SQOR: variants seen among roughly 807,000 people sequenced by gnomAD.
The protein encoded by SQOR is sulfide quinone oxidoreductase, also known as sulfide:quinone oxidoreductase, mitochondrial.
In SQOR, 39 loss-of-function variants were observed where a neutral mutation model predicts 48.6. That is an observed-to-expected ratio of 0.80 (90% CI 0.62 to 1.05). SQOR has a LOEUF of 1.05. Among genes scored for constraint, SQOR ranks in the 50% least tolerant of loss-of-function variants. SQOR has a pLI of 0.00. For synonymous variants in SQOR, 220 were observed against 206.2 expected, an observed-to-expected ratio of 1.07 and a Z score of -0.57; for missense variants, 561 against 559.9, an observed-to-expected ratio of 1.00 and a Z score of -0.02.
chr15:45,673,269 G>T (rs1889974867), intron 4 of SQOR, among the ~76,000 whole-genome samples: 1 of 152,208 alleles, frequency 6.6e-6, no homozygotes, highest in Non-Finnish European at 1.5e-5. Flanking sequence ...CCTGCCAGTT[G>T]TTCTTTCCAG....
chr15:45,661,834 T>C, intron 2 of SQOR, 121 bp from the exon 3 acceptor site: 1 of 1,056,912 alleles, frequency 9.5e-7, no homozygotes, highest in Non-Finnish European at 1.3e-6. Context: ...TGGAGACTTT[T>C]CCATACGATG....
intron 1 of SQOR, among the ~76,000 whole-genome samples, chr15:45,641,276 AG>A (rs1174774464): frequency 6.6e-6 from 1 of 152,232 alleles, no homozygotes; most frequent in African/African-American, 2.4e-5. Flanking sequence ...GAAATTTCTC[AG>A]GAGCAAAGGG....
intron 9 of SQOR, 98 bp downstream of exon 9, chr15:45,689,315 C>A: frequency 8.2e-7 from 1 of 1,219,742 alleles, no homozygotes; most frequent in Non-Finnish European, 1.2e-6. Flanking sequence ...TAGCAGTGAC[C>A]AAGTGTTCTG....
At chr15:45,669,848 A>C (rs1379888154) in intron 3 of SQOR, 80 bp from the exon 4 acceptor site, 18 of 1,219,102 alleles carry the variant, frequency 1.5e-5, no homozygotes, top group Non-Finnish European at 2.1e-5. Flanking sequence ...ACCACATGGA[A>C]CCACATCTGG....
rs1006198671 is a variant in SQOR at position 45,655,986 on chromosome 15, A to AT, written c.-17-2908dup. Reference sequence around the variant, plus strand: ...AGGCGTGAGCCACCGTGCCTGGCCTATTTTTTTTTTTTTCCCCGTTTAACA... The same window carrying AT: ...AGGCGTGAGCCACCGTGCCTGGCCTATTTTTTTTTTTTTTCCCCGTTTAACA... On this transcript the variant is annotated intron_variant, in intron 1 of 9. Coordinates refer to ENST00000260324, the MANE Select transcript of SQOR (RefSeq NM_021199.4). Among the ~76,000 whole-genome samples the AT allele has an allele frequency of 8.4e-3, 1,166 of 138,540 alleles. 21 individuals are homozygous for AT. The highest frequency in any genetic ancestry group is 0.018 in the African/African-American group (687 of 37,874). 90.9% of individuals were successfully genotyped at this position (138,540 alleles called of 152,430 possible). A position where few individuals can be genotyped will look rare whatever the true frequency, so the allele number is the denominator to read the frequency against.
intron 1 of SQOR, among the ~76,000 whole-genome samples, chr15:45,643,809 C>CT (rs967180581): frequency 6.6e-6 from 1 of 151,908 alleles, no homozygotes; most frequent in Non-Finnish European, 1.5e-5. Context: ...TGATGCCCTC[C>CT]TTTATCAAGG....
At chr15:45,669,761 G>A (rs1276564677) in intron 3 of SQOR, among the ~76,000 whole-genome samples, 167 bp from the exon 4 acceptor site, 1 of 152,166 alleles carries the variant, frequency 6.6e-6, no homozygotes, top group Non-Finnish European at 1.5e-5. Flanking sequence ...GGGAACCTGG[G>A]CAGGACTCCC....
rs549486431 is a variant in SQOR, at chr15:45,649,749, C to G, written c.-17-9158C>G. On this transcript the variant is annotated intron_variant, in intron 1 of 9. Coordinates refer to ENST00000260324, the MANE Select transcript of SQOR (RefSeq NM_021199.4). Reference sequence around the variant, plus strand: ...CTACCTGACTTGGCCTACCAAAGTGCTGGAATTACAGGCGTGAGCCACTGT... The same window carrying G: ...CTACCTGACTTGGCCTACCAAAGTGGTGGAATTACAGGCGTGAGCCACTGT... 5.3e-5 allele frequency among the ~76,000 whole-genome samples: 8 copies of G among 152,256 alleles called. No individual in the cohort carries two copies. In the East Asian group the frequency reaches 1.5e-3, roughly 29 times the overall value.
intron 7 of SQOR, among the ~76,000 whole-genome samples, chr15:45,685,088 G>A (rs915164184): frequency 1.3e-5 from 2 of 152,118 alleles, no homozygotes; most frequent in Non-Finnish European, 2.9e-5. Context: ...AAAAGTAATT[G>A]CGGTTTTTGC....
intron 3 of SQOR, among the ~76,000 whole-genome samples, chr15:45,662,463 T>C (rs1488585363): frequency 1.3e-5 from 2 of 152,202 alleles, no homozygotes; most frequent in African/African-American, 2.4e-5. Flanking sequence ...CCTTCCTCCT[T>C]CTCTTTTTCT....
intron 1 of SQOR, among the ~76,000 whole-genome samples, chr15:45,636,466 C>G (rs1234248587): frequency 6.7e-6 from 1 of 149,010 alleles, no homozygotes; most frequent in African/African-American, 2.5e-5. Flanking sequence ...TGCAGTGGCG[C>G]GATCTCGGTT....
At chr15:45,659,357 G>A (rs1889679676) in intron 2 of SQOR, among the ~76,000 whole-genome samples, 200 bp downstream of exon 2, 2 of 151,940 alleles carry the variant, frequency 1.3e-5, no homozygotes, top group South Asian at 4.1e-4. Flanking sequence ...AGGGAGAACA[G>A]ATCTCTTGGC....
upstream of SQOR, among the ~76,000 whole-genome samples, chr15:45,633,947 GGC>G (rs1894946383): frequency 6.6e-6 from 1 of 151,000 alleles, no homozygotes; most frequent in Non-Finnish European, 1.5e-5. Context: ...GGCCCAGGAG[GGC>G]AGATCGCTTG....
chr15:45,650,082 A>T (rs1889444333), intron 1 of SQOR, among the ~76,000 whole-genome samples: 1 of 151,504 alleles, frequency 6.6e-6, no homozygotes, highest in Non-Finnish European at 1.5e-5. Flanking sequence ...ACCTCAAGTG[A>T]TCCATCTGCC....
intron 6 of SQOR, among the ~76,000 whole-genome samples, chr15:45,678,020 G>A (rs1400872348): frequency 6.6e-6 from 1 of 152,086 alleles, no homozygotes; most frequent in African/African-American, 2.4e-5. Context: ...GGCTCTGTTT[G>A]TTAGACTGGA....
chr15:45,638,647 C>T (rs150852273), intron 1 of SQOR, among the ~76,000 whole-genome samples: 2 of 151,428 alleles, frequency 1.3e-5, no homozygotes, highest in Admixed American at 1.3e-4. Context: ...TTGCTTGAAC[C>T]GGAGAGGAGG....
chr15:45,634,436 C>T (rs1217707124), upstream of SQOR, among the ~76,000 whole-genome samples: 2 of 151,802 alleles, frequency 1.3e-5, no homozygotes, highest in Non-Finnish European at 2.9e-5. Flanking sequence ...GAGCCGCCAA[C>T]TGAAAATGTC....
chr15:45,648,167 G>GT (rs1445112506), intron 1 of SQOR, among the ~76,000 whole-genome samples: 5 of 148,688 alleles, frequency 3.4e-5, no homozygotes, highest in Middle Eastern at 6.8e-3. Flanking sequence ...ATAGTTTTTT[G>GT]TTTTTTTGTT....
chr15:45,641,364 C>T (rs1035237879), intron 1 of SQOR, among the ~76,000 whole-genome samples: 2 of 152,176 alleles, frequency 1.3e-5, no homozygotes, highest in Non-Finnish European at 2.9e-5. Context: ...TACAGTTTTG[C>T]CCCTGAAGAG....
Sources: gnomAD v4.1 joint callset for allele counts (sites outside exome capture counted in the v4.1 genomes callset) on GRCh38, gnomAD v4.1.1 for gene constraint, MANE v1.5 for transcripts, NCBI Gene and HGNC (gene_info 2026-07-23, HGNC 2026-07-21) for gene names.